Variants in LYRM7 observed in about 807,000 individuals in gnomAD.
LYRM7 encodes LYR motif containing 7, also known as complex III assembly factor LYRM7.
Under a neutral mutation model 15.8 loss-of-function variants are expected in LYRM7, and 9 were observed. The observed-to-expected ratio is 0.57, with a 90% CI of 0.34 to 0.99. The LOEUF (loss-of-function observed/expected upper bound fraction) is 0.99, where lower values mean the gene tolerates loss of function less well. LYRM7 is among the 50% of genes least tolerant of loss of function. The pLI is 0.02. For synonymous variants in LYRM7, 39 were observed against 39.4 expected, an observed-to-expected ratio of 0.99 and a Z score of 0.04; for missense variants, 115 against 119.1, an observed-to-expected ratio of 0.97 and a Z score of 0.16.
chr5:131,182,511 A>G (rs1487958846), intron 3 of LYRM7, among the ~76,000 whole-genome samples: 1 of 152,196 alleles, frequency 6.6e-6, no homozygotes, highest in Non-Finnish European at 1.5e-5. Context: ...TCAACAGAAC[A>G]TGGAAATAGC....
Position 131,171,049 on chromosome 5 carries a change from C to T in LYRM7, c.18+11C>T, listed in dbSNP as rs1259119660. The T allele has an allele frequency of 2.0e-6, 3 of 1,527,332 alleles. No individual in the cohort carries two copies. The highest frequency in any genetic ancestry group is 2.6e-5 in the South Asian group (2 of 77,394). The allele number at this position is 1,527,332 out of a possible 1,614,324, so 94.6% of individuals were successfully genotyped here. On this transcript the variant is annotated intron_variant, in intron 1 of 4. Transcript: ENST00000379380. ...GGACGGGCAGTCAAGGTGACAGGGCCCGGGAAGGGGTGGGTACGATGCCGT... is the reference window on the plus strand; with the variant it reads ...GGACGGGCAGTCAAGGTGACAGGGCTCGGGAAGGGGTGGGTACGATGCCGT...
intron 3 of LYRM7, among the ~76,000 whole-genome samples, chr5:131,186,051 GA>G (rs1755790717): frequency 6.6e-6 from 1 of 152,222 alleles, no homozygotes; most frequent in Admixed American, 6.5e-5. Flanking sequence ...TTTTGATGGA[GA>G]AAGCTCTACT....
rs1012456392 is a variant in LYRM7, at chr5:131,200,654, T to C, written c.*1053T>C. On this transcript the variant is annotated 3_prime_UTR_variant, in exon 5 of 5. Transcript: ENST00000379380. ...CTCAATGCAAGCATTGTTATGTATCTAGAAATTATACCTAGAGAAAAATGA... is the reference window on the plus strand; with the variant it reads ...CTCAATGCAAGCATTGTTATGTATCCAGAAATTATACCTAGAGAAAAATGA... The C allele has an allele frequency of 3.3e-5, 5 of 152,314 alleles. No homozygotes were observed. Among genetic ancestry groups the C allele is most frequent in the Non-Finnish European group, 7.3e-5 (5 of 68,030 alleles). 9.4% of individuals were successfully genotyped at this position (152,314 alleles called of 1,614,324 possible). A position where few individuals can be genotyped will look rare whatever the true frequency, so the allele number is the denominator to read the frequency against.
At chr5:131,199,120 C>A (rs542163081) in intron 4 of LYRM7, among the ~76,000 whole-genome samples, 126 of 152,224 alleles carry the variant, frequency 8.3e-4, no homozygotes, top group South Asian at 5.8e-3. Flanking sequence ...CTTTTAAGAA[C>A]AATTGTTATT....
At chr5:131,181,838 T>A (rs1246799344) in intron 2 of LYRM7, among the ~76,000 whole-genome samples, 1 of 152,172 alleles carries the variant, frequency 6.6e-6, no homozygotes, top group African/African-American at 2.4e-5. Flanking sequence ...TATGTGTGTA[T>A]GTAGTTTAAC....
At chr5:131,178,961 C>CAAAAAAA (rs58612746) in intron 1 of LYRM7, among the ~76,000 whole-genome samples, 2 of 62,942 alleles carry the variant, frequency 3.2e-5, no homozygotes, top group African/African-American at 5.7e-5. Flanking sequence ...GACTCCGTCT[C>CAAAAAAA]AAAAAAAAAA....
intron 2 of LYRM7, among the ~76,000 whole-genome samples, chr5:131,181,430 A>T (rs1755708192): frequency 1.7e-5 from 2 of 118,998 alleles, no homozygotes; most frequent in African/African-American, 7.7e-5. Flanking sequence ...TATATATATA[A>T]CATATATATG....
chr5:131,196,690 T>A (rs1159396506), intron 4 of LYRM7, among the ~76,000 whole-genome samples: 2 of 151,368 alleles, frequency 1.3e-5, no homozygotes, highest in Non-Finnish European at 3.0e-5. Flanking sequence ...TTTTCCGAGA[T>A]GGAGTCTAGC....
chr5:131,198,698 C>T (rs971130596), intron 4 of LYRM7, among the ~76,000 whole-genome samples: 2 of 151,364 alleles, frequency 1.3e-5, no homozygotes, highest in Non-Finnish European at 2.9e-5. Flanking sequence ...TCCTGAGTAG[C>T]TGGGATTACA....
chr5:131,185,441 T>TTAGGTAGACCAGTGAAC (rs1755782964), intron 3 of LYRM7, among the ~76,000 whole-genome samples: 1 of 152,172 alleles, frequency 6.6e-6, no homozygotes, highest in Admixed American at 6.5e-5. Context: ...AAAGCTTCGT[T>TTAGGTAGACCAGTGAAC]TAGGTAGACC....
chr5:131,185,210 C>T (rs1755778621), intron 3 of LYRM7, among the ~76,000 whole-genome samples: 1 of 152,082 alleles, frequency 6.6e-6, no homozygotes, highest in African/African-American at 2.4e-5. Flanking sequence ...CTCACAACCC[C>T]ATGACTCTTC....
chr5:131,189,958 C>A (rs1351263396), intron 4 of LYRM7, among the ~76,000 whole-genome samples: 1 of 151,602 alleles, frequency 6.6e-6, no homozygotes, highest in Non-Finnish European at 1.5e-5. Context: ...CATAGTAAAA[C>A]CCTGTCTCTA....
intron 4 of LYRM7, among the ~76,000 whole-genome samples, chr5:131,196,068 T>G (rs1234465888): frequency 6.6e-6 from 1 of 151,606 alleles, no homozygotes; most frequent in Non-Finnish European, 1.5e-5. Context: ...AAAGGGGTTG[T>G]GCTTGTTGCC....
intron 2 of LYRM7, among the ~76,000 whole-genome samples, chr5:131,181,440 GTATATATATATAAAACATATATATGTA>G (rs1427292415): frequency 9.6e-6 from 1 of 104,096 alleles, no homozygotes; most frequent in Non-Finnish European, 1.7e-5. Flanking sequence ...ACATATATAT[GTATATATATATAAAACATATATATGTA>G]TATATATATA....
At chr5:131,171,135 C>T (rs940631010) in intron 1 of LYRM7, 97 bp downstream of exon 1, 4 of 1,268,872 alleles carry the variant, frequency 3.2e-6, no homozygotes, top group Admixed American at 4.0e-5. Flanking sequence ...GCTGGGGCTC[C>T]TGACCCTTTA....
At chr5:131,197,150 T>C (rs1755978707) in intron 4 of LYRM7, among the ~76,000 whole-genome samples, 1 of 152,224 alleles carries the variant, frequency 6.6e-6, no homozygotes. Context: ...AATTTGTTGT[T>C]TATCTAGCTA....
chr5:131,191,171 A>G (rs1755880769), intron 4 of LYRM7, among the ~76,000 whole-genome samples: 1 of 151,728 alleles, frequency 6.6e-6, no homozygotes, highest in Non-Finnish European at 1.5e-5. Context: ...GTGTATATAT[A>G]TGTATACACA....
intron 2 of LYRM7, among the ~76,000 whole-genome samples, chr5:131,181,381 AATATATACATATATAT>A (rs1755700651): frequency 7.8e-5 from 6 of 76,474 alleles, no homozygotes; most frequent in East Asian, 2.8e-4. Flanking sequence ...ATGTATATAT[AATATATACATATATAT>A]TATATATACA....
At chr5:131,198,411 AGTCTTTCTTC>A (rs1482056991) in intron 4 of LYRM7, among the ~76,000 whole-genome samples, 2 of 152,204 alleles carry the variant, frequency 1.3e-5, no homozygotes, top group Non-Finnish European at 2.9e-5. Context: ...GCAGTCCTTC[AGTCTTTCTTC>A]GTCTTTCATG....
Sources: gnomAD v4.1 joint callset for allele counts (sites outside exome capture counted in the v4.1 genomes callset) on GRCh38, gnomAD v4.1.1 for gene constraint, MANE v1.5 for transcripts, NCBI Gene and HGNC (gene_info 2026-07-23, HGNC 2026-07-21) for gene names.